The following KIF4A variants were observed in gnomAD, a reference collection of about 807,000 sequenced individuals.
The protein encoded by KIF4A is chromosome-associated kinesin KIF4A.
A neutral mutation model predicts 105.9 loss-of-function variants in KIF4A; 7 were observed. The ratio of observed to expected loss-of-function variants is 0.07; its 90% CI spans 0.04 to 0.12. KIF4A has a LOEUF of 0.12. Among genes scored for constraint, KIF4A ranks in the 10% least tolerant of loss-of-function variants. The probability of loss-of-function intolerance (pLI) is 1.00; values close to 1 mark genes in which losing one functional copy is unlikely to be tolerated. For missense variants in KIF4A, 558 were observed against 929.2 expected (o/e 0.60, Z 5.19); for synonymous variants, 281 against 331.3 (o/e 0.85, Z 1.65).
chrX:70,396,025 G>A lies in KIF4A; in HGVS notation c.2465G>A (p.Ser822Asn), dbSNP rs2086258434. 2 of 1,196,481 alleles carry A rather than the reference G, an allele frequency of 1.7e-6. No individual in the cohort carries two copies. Among genetic ancestry groups the A allele is most frequent in the East Asian group, 3.0e-5 (1 of 33,697 alleles). Residue 822 changes from serine (S) to asparagine (N), a missense_variant, in exon 22 of 31, where the codon AGC (serine) becomes AAC (asparagine). This residue lies in a region of KIF4A where 469 missense variants were observed against 680.4 expected (regional missense o/e 0.69). Coordinates refer to ENST00000374403, the MANE Select transcript of KIF4A (RefSeq NM_012310.5). ...GATTCTATTACAAAGCAGATTGAAA[G>A]CCTAGAGACTGAAATGGAATTCAGG... is the stretch of plus-strand genomic sequence containing the variant. Reference protein sequence around the residue: ...SEDSITKQIESLETEMEFRSA... With the variant: ...SEDSITKQIENLETEMEFRSA...
Position 70,357,669 on chromosome X carries a change from G to A in KIF4A, c.1674+3862G>A, listed in dbSNP as rs745703606. ...TTTTTAAAAATTCTTTTACTTGTTA[G>A]TTTGGCTGGGTTTACAATTCTATAG... On this transcript the variant is annotated intron_variant, in intron 15 of 30. Coordinates refer to ENST00000374403, the MANE Select transcript of KIF4A (RefSeq NM_012310.5). Among the ~76,000 whole-genome samples, 14 of 112,500 alleles carry A rather than the reference G, an allele frequency of 1.2e-4. No homozygotes were observed. In the South Asian group the frequency reaches 5.1e-3, roughly 41 times the overall value.
chrX:70,330,267 A>C lies in KIF4A; in HGVS notation c.1006A>C (p.Ile336Leu). The change falls in exon 9 of 31, where the codon ATC (isoleucine) becomes CTC (leucine). Residue 336 changes from isoleucine to leucine, a missense_variant. Ile to Leu is a conservative substitution (Grantham distance 5). Transcript: ENST00000374403. ...TCGCTATGCTGACAGAGCAAGAAAA[A>C]TCAAGAACAAACCTATTGTTAATAT... ...TLRYADRARK[I>L]KNKPIVNIDP... 8.3e-7 allele frequency: 1 copy of C among 1,211,614 alleles called. No individual in the cohort carries two copies. Among genetic ancestry groups the C allele is most frequent in the Non-Finnish European group, 1.1e-6 (1 of 895,275 alleles).
chrX:70,327,889 A>G (rs759133997), intron 7 of KIF4A, among the ~76,000 whole-genome samples: 5 of 111,965 alleles, frequency 4.5e-5, no homozygotes, highest in Admixed American at 1.9e-4. Context: ...ATGTCCAGTG[A>G]GTTCTTAGGA....
At chrX:70,375,088 T>C (rs2086169499) in intron 16 of KIF4A, 116 bp from the exon 17 acceptor site, 1 of 807,809 alleles carries the variant, frequency 1.2e-6, no homozygotes, top group Non-Finnish European at 1.7e-6. Flanking sequence ...GATGGCTATG[T>C]GACTAGTCAC....
intron 20 of KIF4A, among the ~76,000 whole-genome samples, chrX:70,393,399 T>A (rs2147732812): frequency 9.0e-6 from 1 of 111,579 alleles, no homozygotes; most frequent in African/African-American, 3.2e-5. Flanking sequence ...GAAGAATGGG[T>A]ATTCTGCTGT....
chrX:70,376,831 A>T (rs2086176903), intron 18 of KIF4A, among the ~76,000 whole-genome samples: 1 of 111,979 alleles, frequency 8.9e-6, no homozygotes, highest in Admixed American at 9.6e-5. Context: ...TTAGAAAGTG[A>T]TATCAACAAA....
At chrX:70,364,195 C>G (rs1169437200) in intron 15 of KIF4A, among the ~76,000 whole-genome samples, 1 of 111,707 alleles carries the variant, frequency 9.0e-6, no homozygotes, top group Non-Finnish European at 1.9e-5. Context: ...TAGGTTGCCT[C>G]TTCACTCTGA....
chrX:70,290,309 C>T, intron 1 of KIF4A, 129 bp from the exon 2 acceptor site: 4 of 827,124 alleles, frequency 4.8e-6, no homozygotes, highest in Non-Finnish European at 6.7e-6. Context: ...CCAGCCCTGG[C>T]CAAGTCATGG....
At chrX:70,370,252 A>T (rs184052310) in intron 15 of KIF4A, among the ~76,000 whole-genome samples, 21 of 110,885 alleles carry the variant, frequency 1.9e-4, no homozygotes, top group Middle Eastern at 4.7e-3. Context: ...GATATGTAAT[A>T]TTTGACTATG....
intron 22 of KIF4A, among the ~76,000 whole-genome samples, chrX:70,400,156 A>G (rs1484756350): frequency 7.7e-5 from 8 of 104,371 alleles, no homozygotes; most frequent in African/African-American, 2.8e-4. Flanking sequence ...ATATCTCCCA[A>G]TGCTATCCCT....
chrX:70,334,048 A>T (rs748368105), intron 10 of KIF4A, among the ~76,000 whole-genome samples: 22 of 111,714 alleles, frequency 2.0e-4, no homozygotes, highest in African/African-American at 7.2e-4. Flanking sequence ...TGCTTTGTCC[A>T]TTAGGAGCTC....
Position 70,417,972 on chromosome X carries a change from C to T in KIF4A, c.3340C>T (p.Pro1114Ser). ...SDCGVDCCCD[P>S]TKCRNRQQGK... ...CTGTGGTGTGGACTGTTGCTGTGAC[C>T]CCACAAAGTGTCGGAACCGCCAGCA... The change falls in exon 29 of 31, where the codon CCC (proline) becomes TCC (serine). Residue 1114 changes from proline (P) to serine (S), a missense_variant. Around this residue, in one of 2 missense-constraint regions of KIF4A, gnomAD observed 469 missense variants for 680.4 expected, o/e 0.69. Coordinates refer to ENST00000374403, the MANE Select transcript of KIF4A (RefSeq NM_012310.5). The T allele has an allele frequency of 2.5e-6, 3 of 1,210,210 alleles. No homozygotes were observed. The highest frequency in any genetic ancestry group is 2.2e-6 in the Non-Finnish European group (2 of 894,751).
chrX:70,386,118 CTT>C (rs1261026998), intron 18 of KIF4A, among the ~76,000 whole-genome samples: 1 of 105,701 alleles, frequency 9.5e-6, no homozygotes, highest in South Asian at 4.1e-4. Flanking sequence ...TGAGAAACCT[CTT>C]TTTTTTTTAG....
At chrX:70,308,405 G>A (rs929299875) in intron 7 of KIF4A, among the ~76,000 whole-genome samples, 16 of 111,974 alleles carry the variant, frequency 1.4e-4, no homozygotes, top group Non-Finnish European at 2.6e-4. Context: ...CAATACAGAT[G>A]AAGATAAAAT....
intron 5 of KIF4A, among the ~76,000 whole-genome samples, chrX:70,299,937 T>G (rs2085798467): frequency 8.9e-6 from 1 of 111,840 alleles, no homozygotes; most frequent in South Asian, 3.7e-4. Flanking sequence ...AATTGAGAGT[T>G]TCCTATGTGG....
rs572072364 is a variant in KIF4A, at chrX:70,330,008, T to C, written c.896-149T>C. 5.3e-5 allele frequency: 23 copies of C among 436,467 alleles called. No homozygotes were observed. The East Asian group carries it at 5.4e-4, about 10-fold the overall frequency. 36.0% of individuals were successfully genotyped at this position (436,467 alleles called of 1,213,427 possible). ...TTACATCAGAAATCTTAGATATGTA[T>C]ACATTTCCTATTATTTCAATATAAA... is the stretch of plus-strand genomic sequence containing the variant. On this transcript the variant is annotated intron_variant, in intron 8 of 30. Coordinates refer to ENST00000374403, the MANE Select transcript of KIF4A (RefSeq NM_012310.5).
intron 15 of KIF4A, among the ~76,000 whole-genome samples, chrX:70,371,541 A>G (rs1190632666): frequency 2.7e-5 from 3 of 110,374 alleles, no homozygotes; most frequent in Non-Finnish European, 5.7e-5. Context: ...CTCACTTCCC[A>G]GTAGGGGCGG....
At position 70,304,649 on chromosome X, in the gene KIF4A, CTTTTTTTTTTTTTT is replaced by C. The variant is rs138222376; in HGVS notation, c.778+2261_778+2274del. Among the ~76,000 whole-genome samples the C allele has an allele frequency of 5.8e-5, 3 of 51,538 alleles. No homozygotes were observed. The East Asian group carries it at 2.1e-3, about 35-fold the overall frequency. The allele number at this position is 51,538 out of a possible 115,157, so 44.8% of individuals were successfully genotyped here. On this transcript the variant is annotated intron_variant, in intron 7 of 30. Transcript: ENST00000374403. ...TGCATCATATATCAGTACTTCATTC[CTTTTTTTTTTTTTT>C]TTTTTTTTTGAGAGAGAGAGAGTCT... is the stretch of plus-strand genomic sequence containing the variant.
intron 7 of KIF4A, among the ~76,000 whole-genome samples, chrX:70,314,751 G>A (rs1359132714): frequency 1.8e-5 from 2 of 110,835 alleles, no homozygotes; most frequent in African/African-American, 3.3e-5. Flanking sequence ...AAGGGCCAAG[G>A]GTAAATGAGT....
Sources: gnomAD v4.1 joint callset for allele counts (sites outside exome capture counted in the v4.1 genomes callset) on GRCh38, gnomAD v4.1.1 for gene constraint, gnomAD v4.1.1 regional missense constraint, MANE v1.5 for transcripts, NCBI Gene and HGNC (gene_info 2026-07-23, HGNC 2026-07-21) for gene names.